MYH14: variants seen among roughly 807,000 people sequenced by gnomAD.
The protein encoded by MYH14 is myosin heavy chain 14.
A neutral mutation model predicts 255.5 loss-of-function variants in MYH14; 123 were observed. That is an observed-to-expected ratio of 0.48 (90% CI 0.42 to 0.56). MYH14 has a LOEUF of 0.56. Ranked by LOEUF, MYH14 falls within the 20% of genes least tolerant of loss-of-function variation. The pLI is 0.00. For synonymous variants in MYH14, 1,095 were observed against 1,161.2 expected (o/e 0.94, Z 1.16); for missense variants, 2,423 against 2,802.3 (o/e 0.86, Z 3.06).
intron 10 of MYH14, among the ~76,000 whole-genome samples, chr19:50,235,784 A>G (rs1203708594): frequency 6.6e-6 from 1 of 151,950 alleles, no homozygotes; most frequent in Non-Finnish European, 1.5e-5. Context: ...CCCCATCTCA[A>G]AACACCCCAA....
chr19:50,272,116 G>A (rs2035326053), intron 26 of MYH14, 144 bp downstream of exon 26: 2 of 1,109,088 alleles, frequency 1.8e-6, no homozygotes, highest in Non-Finnish European at 2.6e-6. Context: ...TGTCCTCCCA[G>A]CTCTTGAGTT....
In MYH14 at chr19:50,263,300, T is replaced by C. The variant is rs369977842; in HGVS notation, c.2586-12T>C. ...GGCTCCCACTCTGCCCCTCACCCAT[T>C]TCCCCACCCAGGGCCTTCCAGAAGC... is the stretch of plus-strand genomic sequence containing the variant. On this transcript the variant is annotated splice_polypyrimidine_tract_variant and intron_variant, in intron 21 of 42. Coordinates refer to ENST00000642316, the MANE Select transcript of MYH14 (RefSeq NM_001145809.2). 1.0e-4 allele frequency: 156 copies of C among 1,519,398 alleles called. No homozygotes were observed. The highest frequency in any genetic ancestry group is 6.9e-4 in the Middle Eastern group (4 of 5,790). 94.1% of individuals were successfully genotyped at this position (1,519,398 alleles called of 1,614,324 possible). A position where few individuals can be genotyped will look rare whatever the true frequency, so the allele number is the denominator to read the frequency against.
chr19:50,305,290 A>G (rs1017552468), intron 40 of MYH14, among the ~76,000 whole-genome samples: 2 of 152,032 alleles, frequency 1.3e-5, no homozygotes, highest in African/African-American at 4.8e-5. Context: ...GATGAACAAG[A>G]GAGGATGAAG....
At position 50,272,675 on chromosome 19, in the gene MYH14, G is replaced by A. The variant is rs755451657; in HGVS notation, c.3411G>A (p.Glu1137=). The A allele has an allele frequency of 7.7e-6, 12 of 1,554,896 alleles. No homozygotes were observed. Among genetic ancestry groups the A allele is most frequent in the Admixed American group, 3.9e-5 (2 of 51,296 alleles). ...TGGTGGAGCAGCAACAGCGGGCAGA[G>A]GAGCTGCGGGCCCAGCTGGGCCGGA... is the stretch of plus-strand genomic sequence containing the variant. ...EQMVEQQQRA[E]ELRAQLGRKE... is the part of the protein sequence containing the mutation. Residue 1137 remains glutamate, a synonymous_variant, in exon 27 of 43, where the codon GAG becomes GAA. Coordinates refer to ENST00000642316, the MANE Select transcript of MYH14 (RefSeq NM_001145809.2).
At chr19:50,297,516 A>T (rs1234286721) in intron 39 of MYH14, among the ~76,000 whole-genome samples, 4 of 9,834 alleles carry the variant, frequency 4.1e-4, no homozygotes, top group Non-Finnish European at 1.1e-3. Context: ...TTTTTTTTTG[A>T]GACAGAGTCT....
intron 10 of MYH14, among the ~76,000 whole-genome samples, chr19:50,236,563 C>G (rs1026564210): frequency 1.3e-5 from 2 of 151,954 alleles, no homozygotes; most frequent in East Asian, 1.9e-4. Flanking sequence ...CAAAAATTAG[C>G]TGGGCGTGGT....
intron 17 of MYH14, 31 bp from the exon 18 acceptor site, chr19:50,257,268 T>TTCTC: frequency 1.3e-6 from 2 of 1,539,558 alleles, no homozygotes; most frequent in Non-Finnish European, 1.8e-6. Flanking sequence ...CCTGACCTCC[T>TTCTC]TCTCTCTCTC....
chr19:50,271,928 A>G lies in MYH14; in HGVS notation c.3251A>G (p.Asn1084Ser), dbSNP rs765425658. The change falls in exon 26 of 43, where the codon AAT (asparagine) becomes AGT (serine). Residue 1084 changes from asparagine to serine, a missense_variant. Physicochemically the swap from Asn to Ser is conservative, Grantham distance 46. Coordinates refer to ENST00000642316, the MANE Select transcript of MYH14 (RefSeq NM_001145809.2). ...AEEEEKVKSL[N>S]KLRLKYEATI... ...GAGGAGGAGAAGGTCAAGAGCCTCA[A>G]TAAGCTACGGCTCAAATATGAGGCC... 3 of 1,612,312 alleles carry G rather than the reference A, an allele frequency of 1.9e-6. No homozygotes were observed. Among genetic ancestry groups the G allele is most frequent in the South Asian group, 1.1e-5 (1 of 90,474 alleles).
chr19:50,249,041 T>A lies in MYH14; in HGVS notation c.1384T>A (p.Trp462Arg). 6.2e-7 allele frequency: 1 copy of A among 1,613,272 alleles called. No homozygotes were observed. The part of the protein sequence containing the change: ...AKATYERLFR[W>R]LVLRLNRALD... ...GGCCACCTACGAGCGCCTCTTCCGC[T>A]GGCTGGTTCTGCGCCTCAACCGGGC... Residue 462 changes from tryptophan (W) to arginine (R), a missense_variant, in exon 13 of 43, where the codon TGG becomes AGG. By Grantham distance (101) the Trp-to-Arg change is moderately radical (BLOSUM62 -3). Around this residue, in one of 3 missense-constraint regions of MYH14, gnomAD observed 672 missense variants for 881.8 expected, o/e 0.76. Transcript: ENST00000642316.
At chr19:50,286,822 C>A in intron 34 of MYH14, 128 bp downstream of exon 34, 2 of 967,002 alleles carry the variant, frequency 2.1e-6, no homozygotes, top group Non-Finnish European at 3.1e-6. Context: ...ACAAAGAGAA[C>A]AAGAGGGCTG....
Position 50,266,998 on chromosome 19 carries a change from G to A in MYH14, c.2816G>A (p.Arg939Gln). ...SAREVGELQG[R>Q]VAQLEEERAR... The stretch of plus-strand genomic sequence containing the variant: ...CGCGAAGTTGGGGAGCTCCAGGGCC[G>A]AGTGGCACAGGTGAGGGGGCGGGGG... The change falls in exon 23 of 43, where the codon CGA becomes CAA. Residue 939 changes from arginine (R) to glutamine (Q), a missense_variant. By Grantham distance (43) the Arg-to-Gln change is conservative (BLOSUM62 1). This residue lies in a region of MYH14 where 1,513 missense variants were observed against 1,674.8 expected (regional missense o/e 0.90). Coordinates refer to ENST00000642316, the MANE Select transcript of MYH14 (RefSeq NM_001145809.2). The surrounding 1 kb of genome is among the most constrained non-coding windows in gnomAD (Gnocchi z 4.1). 4 of 1,565,044 alleles carry A rather than the reference G, an allele frequency of 2.6e-6. No individual in the cohort carries two copies. The highest frequency in any genetic ancestry group is 2.0e-4 in the Middle Eastern group (1 of 4,896).
chr19:50,230,928 C>T lies in MYH14; in HGVS notation c.973+305C>T, dbSNP rs1448211553. 1.0e-5 allele frequency: 4 copies of T among 383,686 alleles called. No homozygotes were observed. The highest frequency in any genetic ancestry group is 3.9e-5 in the Admixed American group (1 of 25,548). The allele number at this position is 383,686 out of a possible 1,614,324, so 23.8% of individuals were successfully genotyped here. ...TTCCGAAGCTCCGTGGCTTCTCTCTCGCGCGGCTTCTCCTCACTCCGGCGG... is the reference window on the plus strand; with the variant it reads ...TTCCGAAGCTCCGTGGCTTCTCTCTTGCGCGGCTTCTCCTCACTCCGGCGG... On this transcript the variant is annotated intron_variant, in intron 9 of 42. Transcript: ENST00000642316. The surrounding 1 kb of genome is among the most constrained non-coding windows in gnomAD (Gnocchi z 4.7).
intron 39 of MYH14, among the ~76,000 whole-genome samples, chr19:50,298,385 CACAA>C (rs2036354224): frequency 1.0e-5 from 1 of 97,632 alleles, no homozygotes; most frequent in Non-Finnish European, 2.3e-5. Flanking sequence ...CCAACACACA[CACAA>C]ACACACACAC....
At chr19:50,249,372 T>C in intron 13 of MYH14, 1 of 614,374 alleles carries the variant, frequency 1.6e-6, no homozygotes, top group Non-Finnish European at 2.8e-6. Flanking sequence ...TGGGTCTCTG[T>C]CCCCCTCTCT....
intron 10 of MYH14, among the ~76,000 whole-genome samples, chr19:50,236,257 C>T (rs1255389211): frequency 1.3e-5 from 2 of 151,932 alleles, no homozygotes; most frequent in East Asian, 1.9e-4. Context: ...CTCTTGAGCC[C>T]GGGAGGTGGA....
chr19:50,265,050 G>A (rs1483866831), intron 22 of MYH14, among the ~76,000 whole-genome samples: 1 of 152,190 alleles, frequency 6.6e-6, no homozygotes, highest in Non-Finnish European at 1.5e-5. Flanking sequence ...AGAGGCTGGG[G>A]TAAATGGTGA....
At chr19:50,262,355 C>G (rs536089473) in intron 21 of MYH14, among the ~76,000 whole-genome samples, 2 of 151,786 alleles carry the variant, frequency 1.3e-5, no homozygotes, top group East Asian at 3.9e-4. Context: ...GTCAGGAGTT[C>G]GAGACAAGCC....
intron 33 of MYH14, among the ~76,000 whole-genome samples, chr19:50,282,434 G>A (rs1284491284): frequency 6.6e-6 from 1 of 152,322 alleles, no homozygotes; most frequent in East Asian, 1.9e-4. Context: ...GGGCACTGTG[G>A]CTCATGCCTG....
chr19:50,289,139 T>A (rs2035984553), intron 34 of MYH14, among the ~76,000 whole-genome samples: 1 of 152,110 alleles, frequency 6.6e-6, no homozygotes, highest in Non-Finnish European at 1.5e-5. Flanking sequence ...GAGGGAATAA[T>A]CCACCATGAG....
Sources: allele counts gnomAD v4.1 joint callset (sites outside exome capture counted in the v4.1 genomes callset), GRCh38; gene constraint gnomAD v4.1.1; regional missense constraint gnomAD v4.1.1; non-coding constraint Gnocchi (gnomAD v3.1); transcripts MANE v1.5; gene names NCBI Gene and HGNC (gene_info 2026-07-23, HGNC 2026-07-21).